CPLANE1: variants seen among roughly 807,000 people sequenced by gnomAD.
CPLANE1 encodes ciliogenesis and planar polarity effector complex subunit 1.
A neutral mutation model predicts 362.5 loss-of-function variants in CPLANE1; 263 were observed. The ratio of observed to expected loss-of-function variants is 0.73; its 90% CI spans 0.66 to 0.80. The LOEUF (loss-of-function observed/expected upper bound fraction) is 0.80, where lower values mean the gene tolerates loss of function less well. Among genes scored for constraint, CPLANE1 ranks in the 30% least tolerant of loss-of-function variants. The pLI is 0.00. For synonymous variants in CPLANE1, 1,212 were observed against 1,302.6 expected (o/e 0.93, Z 1.50); for missense variants, 3,461 against 3,793.4 (o/e 0.91, Z 2.30).
chr5:37,079,316 T>G, the CPLANE1 span, among the ~76,000 whole-genome samples: 1 of 152,210 alleles, frequency 6.6e-6, no homozygotes, highest in African/African-American at 2.4e-5. Flanking sequence ...GGGAGTCCTT[T>G]CCCCATTGCT....
At chr5:37,191,538 G>T (rs1002125948) in intron 21 of CPLANE1, among the ~76,000 whole-genome samples, 1 of 152,082 alleles carries the variant, frequency 6.6e-6, no homozygotes, top group African/African-American at 2.4e-5. Context: ...AGGTATGGTG[G>T]TACATGCCTG....
In CPLANE1 at chr5:37,169,046, C is replaced by T. The variant is rs1779052600; in HGVS notation, c.6978G>A (p.Leu2326=). The T allele has an allele frequency of 6.2e-7, 1 of 1,614,046 alleles. No homozygotes were observed. The highest frequency in any genetic ancestry group is 1.7e-5 in the Admixed American group (1 of 59,990). ...ACACTGAAGAGTCCTGTTGAGGTGT[C>T]AAATTTTCTTGTCCAACATATTGAT... ...NLDQYVGQEN[L]TPQQDSSVFI... Residue 2326 remains leucine (L), a synonymous_variant, in exon 34 of 53, where the codon TTG becomes TTA. Transcript: ENST00000651892.
At chr5:37,114,205 G>A (rs1760210183) in intron 51 of CPLANE1, among the ~76,000 whole-genome samples, 1 of 152,194 alleles carries the variant, frequency 6.6e-6, no homozygotes, top group South Asian at 2.1e-4. Flanking sequence ...GATTTAATGT[G>A]AGGATCAAGT....
intron 16 of CPLANE1, chr5:37,211,650 T>C: frequency 1.2e-6 from 1 of 804,952 alleles, no homozygotes; most frequent in East Asian, 2.4e-5. Context: ...ACACATTGCT[T>C]CCCCCAGTCC....
At chr5:37,091,879 G>A in the CPLANE1 span, among the ~76,000 whole-genome samples, 9 of 152,266 alleles carry the variant, frequency 5.9e-5, no homozygotes, top group East Asian at 9.6e-4. Flanking sequence ...AGCCCCAGAC[G>A]ATGAGGCTTC....
At position 37,165,569 on chromosome 5, in the gene CPLANE1, A is replaced by G. The variant is rs1460093505; in HGVS notation, c.7503T>C (p.Asn2501=). 2 of 1,608,424 alleles carry G rather than the reference A, an allele frequency of 1.2e-6. No homozygotes were observed. Among genetic ancestry groups the G allele is most frequent in the Non-Finnish European group, 1.7e-6 (2 of 1,178,644 alleles). The change falls in exon 36 of 53, where the codon AAT becomes AAC. Residue 2501 remains asparagine (N), a synonymous_variant. Transcript: ENST00000651892. The stretch of plus-strand genomic sequence containing the variant: ...GTTTCTTAATGATTTCTGAATCATC[A>G]TTATTAATTATGGAATTCTCTGGTC... ...TFRPENSIIN[N]DDSEIIKKPK...
chr5:37,105,085 G>A (rs183579225), downstream of CPLANE1, among the ~76,000 whole-genome samples: 1 of 152,194 alleles, frequency 6.6e-6, no homozygotes, highest in Admixed American at 6.5e-5. Context: ...GAGGATCACT[G>A]GAGCTCAGGA....
Position 37,184,989 on chromosome 5 carries a change from C to A in CPLANE1, c.4280G>T (p.Gly1427Val). 6.2e-7 allele frequency: 1 copy of A among 1,614,004 alleles called. No homozygotes were observed. The highest frequency in any genetic ancestry group is 8.5e-7 in the Non-Finnish European group (1 of 1,179,928). ...TTCCCATATATTCACTTCAAAAGAG[C>A]CTATATTTCTCTGCACACGTTTTAG... ...KALKRVQRNIGSFEVNIWEPI... is the reference protein window; with the variant it reads ...KALKRVQRNIVSFEVNIWEPI... The change falls in exon 25 of 53, where the codon GGC (glycine) becomes GTC (valine). Residue 1427 changes from glycine (G) to valine (V), a missense_variant. Transcript: ENST00000651892.
At chr5:37,135,845 CA>C (rs1157886144) in intron 46 of CPLANE1, among the ~76,000 whole-genome samples, 1 of 151,216 alleles carries the variant, frequency 6.6e-6, no homozygotes, top group African/African-American at 2.4e-5. Flanking sequence ...AAAAAACCAA[CA>C]AAAAACCCAA....
intron 42 of CPLANE1, among the ~76,000 whole-genome samples, chr5:37,152,755 G>T (rs1773940306): frequency 6.6e-6 from 1 of 152,008 alleles, no homozygotes; most frequent in Admixed American, 6.6e-5. Flanking sequence ...TGAGAGTGGT[G>T]GTGCACACCT....
chr5:37,167,321 CAGTT>C (rs1434295922), intron 34 of CPLANE1, 108 bp from the exon 35 acceptor site: 7 of 811,688 alleles, frequency 8.6e-6, no homozygotes, highest in African/African-American at 7.0e-5. Flanking sequence ...AACTGTGCAA[CAGTT>C]AGAACAAATC....
chr5:37,177,797 G>GT, intron 29 of CPLANE1, 97 bp from the exon 30 acceptor site: 1 of 866,306 alleles, frequency 1.2e-6, no homozygotes, highest in Admixed American at 2.1e-5. Context: ...CTTAACCAGA[G>GT]TAACAACAGT....
In CPLANE1 at chr5:37,195,020, T is replaced by C. The variant is rs1245734377; in HGVS notation, c.3811+838A>G. Reference sequence around the variant, plus strand: ...TACAAAAAAAATTAGCCGGGCACGGTGGCGGGTGCCTGTAGTCCCAGCTAC... The same window carrying C: ...TACAAAAAAAATTAGCCGGGCACGGCGGCGGGTGCCTGTAGTCCCAGCTAC... On this transcript the variant is annotated intron_variant, in intron 21 of 52. Coordinates refer to ENST00000651892, the MANE Select transcript of CPLANE1 (RefSeq NM_001384732.1). Among the ~76,000 whole-genome samples the C allele has an allele frequency of 7.2e-5, 11 of 151,760 alleles. No individual in the cohort carries two copies. In the East Asian group the frequency reaches 2.1e-3, roughly 30 times the overall value.
At chr5:37,217,928 C>T (rs1317665226) in intron 15 of CPLANE1, among the ~76,000 whole-genome samples, 3 of 151,588 alleles carry the variant, frequency 2.0e-5, no homozygotes, top group East Asian at 3.9e-4. Context: ...TGCAATGAGC[C>T]GAGATCGTGC....
At chr5:37,220,525 AT>A (rs879814754) in intron 15 of CPLANE1, among the ~76,000 whole-genome samples, 187 of 146,000 alleles carry the variant, frequency 1.3e-3, no homozygotes, top group Admixed American at 1.3e-3. Context: ...TCTTAAACAG[AT>A]TTTTTTTTTT....
At chr5:37,212,004 G>A in intron 16 of CPLANE1, 1 of 979,620 alleles carries the variant, frequency 1.0e-6, no homozygotes, top group Non-Finnish European at 1.7e-6. Context: ...AAAGGAAGAA[G>A]AAAAAATATG....
At chr5:37,233,234 C>T (rs1798149105) in intron 8 of CPLANE1, among the ~76,000 whole-genome samples, 1 of 151,962 alleles carries the variant, frequency 6.6e-6, no homozygotes, top group Non-Finnish European at 1.5e-5. Flanking sequence ...GCTGCTACTG[C>T]ACTGCTTCAG....
At chr5:37,154,592 G>A (rs1263395660) in intron 41 of CPLANE1, among the ~76,000 whole-genome samples, 2 of 150,136 alleles carry the variant, frequency 1.3e-5, no homozygotes, top group Non-Finnish European at 3.0e-5. Context: ...GAGCCACTGC[G>A]CCTGGTCTGC....
At chr5:37,243,700 TA>T (rs1348032224) in intron 5 of CPLANE1, among the ~76,000 whole-genome samples, 1 of 146,846 alleles carries the variant, frequency 6.8e-6, no homozygotes, top group Non-Finnish European at 1.5e-5. Flanking sequence ...ATATAACATA[TA>T]AAAATATAAT....
Sources: allele counts gnomAD v4.1 joint callset (sites outside exome capture counted in the v4.1 genomes callset), GRCh38; gene constraint gnomAD v4.1.1; transcripts MANE v1.5; gene names NCBI Gene and HGNC (gene_info 2026-07-23, HGNC 2026-07-21).